Variants in ERBB4 observed in about 807,000 individuals in gnomAD.
The protein encoded by ERBB4 is receptor tyrosine-protein kinase erbB-4.
A neutral mutation model predicts 158.0 loss-of-function variants in ERBB4; 42 were observed. That is an observed-to-expected ratio of 0.27 (90% CI 0.21 to 0.34). The LOEUF (loss-of-function observed/expected upper bound fraction) is 0.34, where lower values mean the gene tolerates loss of function less well. Ranked by LOEUF, ERBB4 falls within the 10% of genes least tolerant of loss-of-function variation. ERBB4 has a pLI of 1.00. For synonymous variants in ERBB4, 583 were observed against 558.7 expected, an observed-to-expected ratio of 1.04 and a Z score of -0.61; for missense variants, 1,333 against 1,624.1, an observed-to-expected ratio of 0.82 and a Z score of 3.08.
At chr2:212,374,705 T>C (rs2090262576) in intron 1 of ERBB4, among the ~76,000 whole-genome samples, 2 of 151,970 alleles carry the variant, frequency 1.3e-5, no homozygotes, top group African/African-American at 4.8e-5. Flanking sequence ...GTCAGTTCCA[T>C]TCTTGGCCTC....
chr2:212,163,880 C>T (rs545942204), intron 1 of ERBB4, among the ~76,000 whole-genome samples: 167 of 152,118 alleles, frequency 1.1e-3, no homozygotes, highest in Middle Eastern at 0.01. Context: ...GCAGCCTCAA[C>T]CTCCTGGGTT....
intron 5 of ERBB4, among the ~76,000 whole-genome samples, chr2:211,750,300 C>T (rs1575092877): frequency 6.6e-6 from 1 of 152,104 alleles, no homozygotes; most frequent in African/African-American, 2.4e-5. Flanking sequence ...AATGAAAGGA[C>T]TGAGAGACCC....
chr2:212,344,765 G>C (rs2088899960), intron 1 of ERBB4, among the ~76,000 whole-genome samples: 1 of 152,092 alleles, frequency 6.6e-6, no homozygotes, highest in Non-Finnish European at 1.5e-5. Flanking sequence ...AGACAGAACA[G>C]TAGAGTGTCT....
rs112955101 is a variant in ERBB4 at position 212,421,120 on chromosome 2, A to G, written c.82+117329T>C. On this transcript the variant is annotated intron_variant, in intron 1 of 27. Transcript: ENST00000342788. ...AGCCTAAACATAATTCATCAACCACATATCTTAAAAGATGATATATTTCAA... is the reference window on the plus strand; with the variant it reads ...AGCCTAAACATAATTCATCAACCACGTATCTTAAAAGATGATATATTTCAA... Among the ~76,000 whole-genome samples, 383 of 152,254 alleles carry G rather than the reference A, an allele frequency of 2.5e-3. 2 individuals carry two copies. The highest frequency in any genetic ancestry group is 8.5e-3 in the African/African-American group (355 of 41,548).
chr2:211,508,760 G>A (rs962136973), intron 20 of ERBB4, among the ~76,000 whole-genome samples: 25 of 152,012 alleles, frequency 1.6e-4, no homozygotes, highest in Admixed American at 1.1e-3. Context: ...CAACCCAAAC[G>A]CCCATCAGTG....
At chr2:211,709,906 G>A (rs924257565) in intron 9 of ERBB4, among the ~76,000 whole-genome samples, 2 of 152,094 alleles carry the variant, frequency 1.3e-5, no homozygotes, top group East Asian at 1.9e-4. Flanking sequence ...CCAGTGGTCA[G>A]CTGTTCCTCT....
chr2:212,391,328 T>C lies in ERBB4; in HGVS notation c.82+147121A>G, dbSNP rs946876461. On this transcript the variant is annotated intron_variant, in intron 1 of 27. Coordinates refer to ENST00000342788, the MANE Select transcript of ERBB4 (RefSeq NM_005235.3). ...ATCATTATCAATAGTAAACTATATC[T>C]TTAAAGGTAAGATTTATTTTGGTCA... Among the ~76,000 whole-genome samples, 18 of 151,796 alleles carry C rather than the reference T, an allele frequency of 1.2e-4. 1 individual carries two copies. The South Asian group carries it at 3.7e-3, about 31-fold the overall frequency.
At chr2:212,234,447 G>T (rs746785065) in intron 1 of ERBB4, among the ~76,000 whole-genome samples, 5 of 152,118 alleles carry the variant, frequency 3.3e-5, no homozygotes, top group Non-Finnish European at 5.9e-5. Context: ...AAACATATAT[G>T]TGCATGTGTC....
At chr2:211,580,871 A>AGATTTATAT (rs1323939984) in intron 19 of ERBB4, among the ~76,000 whole-genome samples, 28 of 414 alleles carry the variant, frequency 0.068, 10 homozygotes, top group East Asian at 0.3. Context: ...ATATACATAT[A>AGATTTATAT]TATATATATA....
chr2:211,672,632 A>G (rs1406586370), intron 14 of ERBB4, among the ~76,000 whole-genome samples: 3 of 152,186 alleles, frequency 2.0e-5, no homozygotes, highest in Non-Finnish European at 4.4e-5. Context: ...CACAACAGTT[A>G]AAGGATTAAA....
intron 1 of ERBB4, among the ~76,000 whole-genome samples, chr2:212,158,437 T>C (rs1208277740): frequency 1.3e-5 from 2 of 151,940 alleles, no homozygotes; most frequent in Non-Finnish European, 2.9e-5. Flanking sequence ...GTGCACATAT[T>C]ACTTCCTTTA....
At chr2:211,699,180 T>C (rs2073137840) in intron 12 of ERBB4, among the ~76,000 whole-genome samples, 1 of 152,118 alleles carries the variant, frequency 6.6e-6, no homozygotes, top group Non-Finnish European at 1.5e-5. Flanking sequence ...TAGGTGAGCA[T>C]GTAAGGGTGT....
chr2:212,345,264 T>C (rs865948992), intron 1 of ERBB4, among the ~76,000 whole-genome samples: 1 of 10,182 alleles, frequency 9.8e-5, no homozygotes, highest in Non-Finnish European at 3.6e-4. Flanking sequence ...AGACTCCGTC[T>C]CAAAAAAAAA....
intron 19 of ERBB4, among the ~76,000 whole-genome samples, chr2:211,605,748 G>C (rs2068958582): frequency 6.6e-6 from 1 of 152,004 alleles, no homozygotes; most frequent in South Asian, 2.1e-4. Context: ...TATAAAAATA[G>C]TATTTTATAT....
Position 211,378,542 on chromosome 2 carries a change from A to G in ERBB4, c.*5073T>C, listed in dbSNP as rs554850967. On this transcript the variant is annotated 3_prime_UTR_variant, in exon 28 of 28. Coordinates refer to ENST00000342788, the MANE Select transcript of ERBB4 (RefSeq NM_005235.3). Reference sequence around the variant, plus strand: ...ACACAAGGGCCCCTGGCCCGACACAATGCCCACAACAGCTTCTTGTTTCCA... The same window carrying G: ...ACACAAGGGCCCCTGGCCCGACACAGTGCCCACAACAGCTTCTTGTTTCCA... The G allele has an allele frequency of 4.3e-6, 1 of 232,394 alleles. No individual in the cohort carries two copies. 14.4% of individuals were successfully genotyped at this position (232,394 alleles called of 1,614,324 possible). A position where few individuals can be genotyped will look rare whatever the true frequency, so the allele number is the denominator to read the frequency against.
intron 1 of ERBB4, among the ~76,000 whole-genome samples, chr2:212,330,235 G>GTTTC (rs2088071005): frequency 6.6e-6 from 1 of 151,792 alleles, no homozygotes; most frequent in Non-Finnish European, 1.5e-5. Context: ...TTGTTTGTTT[G>GTTTC]TTTGTTTTGT....
At chr2:212,086,249 A>T (rs1371226582) in intron 2 of ERBB4, among the ~76,000 whole-genome samples, 1 of 151,930 alleles carries the variant, frequency 6.6e-6, no homozygotes, top group Non-Finnish European at 1.5e-5. Flanking sequence ...AGTGTACAAG[A>T]AAGTGAAGTC....
chr2:211,612,011 G>A (rs915743199), intron 19 of ERBB4, among the ~76,000 whole-genome samples: 5 of 152,028 alleles, frequency 3.3e-5, no homozygotes, highest in East Asian at 1.9e-4. Flanking sequence ...ATGTCAAAAC[G>A]GAAGGTCTAG....
intron 1 of ERBB4, among the ~76,000 whole-genome samples, chr2:212,533,323 A>G (rs116304309): frequency 6.6e-6 from 1 of 152,228 alleles, no homozygotes; most frequent in African/African-American, 2.4e-5. Flanking sequence ...AATATCAAAG[A>G]CTTTAAAGTT....
Sources: allele counts gnomAD v4.1 joint callset (sites outside exome capture counted in the v4.1 genomes callset), GRCh38; gene constraint gnomAD v4.1.1; transcripts MANE v1.5; gene names NCBI Gene and HGNC (gene_info 2026-07-23, HGNC 2026-07-21).